FBXW12: variants seen among roughly 807,000 people sequenced by gnomAD.
FBXW12 encodes the protein F-box/WD repeat-containing protein 12.
Under a neutral mutation model 55.3 loss-of-function variants are expected in FBXW12, and 43 were observed. The ratio of observed to expected loss-of-function variants is 0.78; its 90% CI spans 0.61 to 1.00. The LOEUF (loss-of-function observed/expected upper bound fraction) is 1.00, where lower values mean the gene tolerates loss of function less well. Ranked by LOEUF, FBXW12 falls within the 50% of genes least tolerant of loss-of-function variation. The pLI is 0.00. For missense variants in FBXW12, 524 were observed against 560.5 expected, an observed-to-expected ratio of 0.93 and a Z score of 0.66; for synonymous variants, 184 against 203.8, an observed-to-expected ratio of 0.90 and a Z score of 0.83.
At chr3:48,378,997 C>T (rs1178566635) in intron 6 of FBXW12, among the ~76,000 whole-genome samples, 1 of 152,166 alleles carries the variant, frequency 6.6e-6, no homozygotes, top group Non-Finnish European at 1.5e-5. Context: ...CTTGACTTGC[C>T]TCAAGTACAT....
intron 5 of FBXW12, 104 bp downstream of exon 5, chr3:48,375,576 AAAAC>A (rs1218265226): frequency 1.0e-5 from 7 of 685,788 alleles, no homozygotes; most frequent in South Asian, 6.0e-5. Flanking sequence ...AGTGGTAACA[AAAAC>A]AAAGTGTCAA....
intron 5 of FBXW12, 35 bp from the exon 6 acceptor site, chr3:48,378,282 C>T (rs376421596): frequency 1.7e-5 from 26 of 1,521,608 alleles, no homozygotes; most frequent in Non-Finnish European, 2.3e-5. Flanking sequence ...TGTAAGGGTT[C>T]CTTGAACACA....
chr3:48,385,396 TTC>T (rs869212318), intron 10 of FBXW12, among the ~76,000 whole-genome samples: 1 of 125,222 alleles, frequency 8.0e-6, no homozygotes, highest in Admixed American at 7.9e-5. Context: ...ATACCACATT[TTC>T]TTTATCCATT....
chr3:48,382,167 A>G, intron 10 of FBXW12, 82 bp downstream of exon 10: 9 of 1,484,988 alleles, frequency 6.1e-6, no homozygotes, highest in South Asian at 1.2e-5. Flanking sequence ...ACCAGGCTGT[A>G]GTGCAGTGGC....
At chr3:48,375,203 T>C (rs1198776995) in intron 4 of FBXW12, 151 bp from the exon 5 acceptor site, 1 of 598,074 alleles carries the variant, frequency 1.7e-6, no homozygotes, top group African/African-American at 1.9e-5. Flanking sequence ...TGGGAACCTG[T>C]GTTTGGATGA....
At chr3:48,377,666 G>A (rs74834409) in intron 5 of FBXW12, among the ~76,000 whole-genome samples, 37 of 152,338 alleles carry the variant, frequency 2.4e-4, no homozygotes, top group African/African-American at 6.7e-4. Context: ...TTGTTATAGT[G>A]TGAAAAATCA....
chr3:48,373,695 T>G lies in FBXW12; in HGVS notation c.276T>G (p.Thr92=). Residue 92 remains threonine (T), a synonymous_variant, in exon 4 of 11, where the codon ACT becomes ACG. Coordinates refer to ENST00000296438, the MANE Select transcript of FBXW12 (RefSeq NM_207102.2). The part of the protein sequence containing the change: ...AQPHNFIYKV[T]KNIAFETELA... The stretch of plus-strand genomic sequence containing the variant: ...CGCATAACTTTATCTACAAAGTAAC[T>G]AAGAACATCGGTATGGGTATAGGTG... 1 of 1,613,896 alleles carries G rather than the reference T, an allele frequency of 6.2e-7. No homozygotes were observed. The highest frequency in any genetic ancestry group is 8.5e-7 in the Non-Finnish European group (1 of 1,179,794).
intron 7 of FBXW12, 37 bp downstream of exon 7, chr3:48,379,595 G>C (rs1358724927): frequency 6.3e-7 from 1 of 1,595,822 alleles, no homozygotes; most frequent in Non-Finnish European, 8.6e-7. Context: ...TTCAGGATAG[G>C]AATGTCAAGT....
intron 10 of FBXW12, among the ~76,000 whole-genome samples, chr3:48,383,377 A>G (rs183649073): frequency 6.6e-6 from 1 of 152,212 alleles, no homozygotes; most frequent in East Asian, 1.9e-4. Context: ...CATCCACATT[A>G]TCTTCTTTAA....
rs143258205 is a variant in FBXW12, at chr3:48,374,994, C to A, written c.287-360C>A. Among the ~76,000 whole-genome samples the A allele has an allele frequency of 1.9e-3, 284 of 152,164 alleles. 6 individuals are homozygous for A. The East Asian group carries it at 0.045, about 24-fold the overall frequency. ...GCCAGGCCGGTCTAGAACTCCTGGCCTCAAGTGATCCACCTACCTCAGCTT... is the reference window on the plus strand; with the variant it reads ...GCCAGGCCGGTCTAGAACTCCTGGCATCAAGTGATCCACCTACCTCAGCTT... On this transcript the variant is annotated intron_variant, in intron 4 of 10. Coordinates refer to ENST00000296438, the MANE Select transcript of FBXW12 (RefSeq NM_207102.2).
chr3:48,382,162 G>C (rs1368191536), intron 10 of FBXW12, 77 bp downstream of exon 10: 10 of 1,534,888 alleles, frequency 6.5e-6, no homozygotes, highest in Non-Finnish European at 8.9e-6. Flanking sequence ...ATGTCACCAG[G>C]CTGTAGTGCA....
chr3:48,394,459 TG>T, intron 10 of FBXW12, 100 bp from the exon 11 acceptor site: 1 of 698,876 alleles, frequency 1.4e-6, no homozygotes, highest in Non-Finnish European at 2.5e-6. Flanking sequence ...CCAATTAATT[TG>T]GAAAGTATTG....
intron 10 of FBXW12, 102 bp downstream of exon 10, chr3:48,382,187 A>G: frequency 1.6e-6 from 2 of 1,278,268 alleles, no homozygotes; most frequent in South Asian, 1.4e-5. Flanking sequence ...CGTGATCTCA[A>G]CTCACTGCAA....
intron 10 of FBXW12, among the ~76,000 whole-genome samples, chr3:48,391,317 TACACACAC>T (rs140067012): frequency 0.014 from 1,875 of 133,164 alleles, 30 homozygotes; most frequent in African/African-American, 0.044. Context: ...TATCTATCTA[TACACACAC>T]ACACACACAC....
At chr3:48,379,341 C>T in intron 6 of FBXW12, 59 bp from the exon 7 acceptor site, 1 of 1,540,378 alleles carries the variant, frequency 6.5e-7, no homozygotes, top group African/African-American at 1.4e-5. Flanking sequence ...GCTGCCTCCT[C>T]TGTACTTCAG....
chr3:48,379,655 GCTC>G, intron 7 of FBXW12, 97 bp downstream of exon 7: 2 of 968,422 alleles, frequency 2.1e-6, no homozygotes, highest in Non-Finnish European at 3.2e-6. Context: ...CAGGCACACT[GCTC>G]CTTCCTCTCT....
Position 48,393,052 on chromosome 3 carries a change from G to C in FBXW12, c.1296-1508G>C, listed in dbSNP as rs2036953938. 2.1e-5 allele frequency among the ~76,000 whole-genome samples: 3 copies of C among 144,122 alleles called. No homozygotes were observed. In the South Asian group the frequency reaches 6.5e-4, roughly 31 times the overall value. The allele number at this position is 144,122 out of a possible 152,430, so 94.5% of individuals were successfully genotyped here. ...CTCTCTTGTCCAGGCTGGAGTGCTA[G>C]TGGCATGATCTCAGCTCACTGCAAC... is the stretch of plus-strand genomic sequence containing the variant. On this transcript the variant is annotated intron_variant, in intron 10 of 10. Transcript: ENST00000296438.
rs2107150233 is a variant in FBXW12 at position 48,373,349 on chromosome 3, A to G, written c.128+4A>G. On this transcript the variant is annotated splice_donor_region_variant and intron_variant, in intron 3 of 10. Coordinates refer to ENST00000296438, the MANE Select transcript of FBXW12 (RefSeq NM_207102.2). ...CAGACAGTGATTACCTGTGGAGGTA[A>G]GGGAAGGGAAAGGGCAAGGAGGGAA... is the stretch of plus-strand genomic sequence containing the variant. 2 of 1,614,158 alleles carry G rather than the reference A, an allele frequency of 1.2e-6. No homozygotes were observed. Among genetic ancestry groups the G allele is most frequent in the East Asian group, 2.2e-5 (1 of 44,884 alleles).
intron 10 of FBXW12, among the ~76,000 whole-genome samples, chr3:48,386,998 C>T (rs1560033905): frequency 6.6e-6 from 1 of 150,472 alleles, no homozygotes; most frequent in Non-Finnish European, 1.5e-5. Context: ...AGTGCAATGG[C>T]ATGATCTTGG....
Sources: gnomAD v4.1 joint callset for allele counts (sites outside exome capture counted in the v4.1 genomes callset) on GRCh38, gnomAD v4.1.1 for gene constraint, MANE v1.5 for transcripts, NCBI Gene and HGNC (gene_info 2026-07-23, HGNC 2026-07-21) for gene names.